The following PTPRR variants were observed in gnomAD, a reference collection of about 807,000 sequenced individuals.
PTPRR encodes the protein receptor-type tyrosine-protein phosphatase R.
Under a neutral mutation model 77.2 loss-of-function variants are expected in PTPRR, and 38 were observed. The observed-to-expected ratio is 0.49, with a 90% CI of 0.38 to 0.65. PTPRR has a LOEUF of 0.65. Among genes scored for constraint, PTPRR ranks in the 30% least tolerant of loss-of-function variants. The pLI is 0.00. For missense variants in PTPRR, 744 were observed against 799.2 expected (o/e 0.93, Z 0.83); for synonymous variants, 299 against 283.1 (o/e 1.06, Z -0.57).
chr12:70,745,572 A>T (rs1890186969), intron 6 of PTPRR, among the ~76,000 whole-genome samples: 1 of 152,138 alleles, frequency 6.6e-6, no homozygotes. Context: ...GTTGAAGATG[A>T]ACTTTGCTTG....
At chr12:70,701,390 C>T (rs1213378868) in intron 6 of PTPRR, 67 bp from the exon 7 acceptor site, 1 of 1,405,692 alleles carries the variant, frequency 7.1e-7, no homozygotes, top group Non-Finnish European at 9.9e-7. Context: ...ACTTGTCTTT[C>T]TGTACATGCA....
chr12:70,903,171 T>C (rs968162837), intron 1 of PTPRR, among the ~76,000 whole-genome samples: 2 of 151,714 alleles, frequency 1.3e-5, no homozygotes, highest in Non-Finnish European at 3.0e-5. Flanking sequence ...GAAAAACAAA[T>C]TTTGAGATCT....
intron 8 of PTPRR, among the ~76,000 whole-genome samples, chr12:70,686,170 T>G (rs989380987): frequency 3.9e-5 from 6 of 152,216 alleles, no homozygotes; most frequent in Admixed American, 2.6e-4. Context: ...TTCCCATATT[T>G]TTTTAGTAAC....
intron 2 of PTPRR, among the ~76,000 whole-genome samples, chr12:70,820,069 CA>C (rs1423438851): frequency 3.3e-5 from 5 of 152,136 alleles, no homozygotes; most frequent in Admixed American, 2.0e-4. Context: ...AGAAATGTAA[CA>C]TTTTTTATGA....
At chr12:70,913,721 G>A (rs1243345411) in intron 1 of PTPRR, among the ~76,000 whole-genome samples, 3 of 152,050 alleles carry the variant, frequency 2.0e-5, no homozygotes, top group Non-Finnish European at 2.9e-5. Context: ...CCATTTCCTT[G>A]TTGTCAATAA....
intron 2 of PTPRR, among the ~76,000 whole-genome samples, chr12:70,880,977 A>G (rs548832693): frequency 2.0e-5 from 3 of 152,198 alleles, no homozygotes; most frequent in Non-Finnish European, 4.4e-5. Flanking sequence ...ATACATGAAA[A>G]AAAATTTTGT....
At chr12:70,879,313 T>C (rs1893108579) in intron 2 of PTPRR, among the ~76,000 whole-genome samples, 2 of 152,134 alleles carry the variant, frequency 1.3e-5, no homozygotes, top group East Asian at 1.9e-4. Context: ...AAGCAAGGTA[T>C]CCTTTTGTAG....
chr12:70,813,388 A>G (rs770266943), intron 2 of PTPRR, among the ~76,000 whole-genome samples: 6 of 147,812 alleles, frequency 4.1e-5, no homozygotes, highest in Non-Finnish European at 7.4e-5. Context: ...CAACGTGGAT[A>G]TTTTACGTTT....
chr12:70,915,352 T>G (rs1052239782), intron 1 of PTPRR, among the ~76,000 whole-genome samples: 8 of 152,130 alleles, frequency 5.3e-5, no homozygotes, highest in African/African-American at 1.7e-4. Flanking sequence ...ATCCCAGAAT[T>G]TTTACAAGGT....
At chr12:70,800,224 C>G (rs967825244) in intron 2 of PTPRR, among the ~76,000 whole-genome samples, 1 of 151,962 alleles carries the variant, frequency 6.6e-6, no homozygotes, top group African/African-American at 2.4e-5. Flanking sequence ...CTGTCTAAAC[C>G]CTTTCCCCCC....
At chr12:70,718,664 C>T (rs1297248833) in intron 6 of PTPRR, among the ~76,000 whole-genome samples, 1 of 152,060 alleles carries the variant, frequency 6.6e-6, no homozygotes, top group African/African-American at 2.4e-5. Context: ...TTACATTAAT[C>T]CTTTGTATTT....
At chr12:70,804,560 A>C (rs1891676455) in intron 2 of PTPRR, among the ~76,000 whole-genome samples, 1 of 152,064 alleles carries the variant, frequency 6.6e-6, no homozygotes, top group Non-Finnish European at 1.5e-5. Context: ...AAAAAAAAAG[A>C]AGACTCCTGA....
intron 4 of PTPRR, among the ~76,000 whole-genome samples, chr12:70,757,056 G>A (rs540075667): frequency 6.6e-6 from 1 of 152,262 alleles, no homozygotes; most frequent in East Asian, 1.9e-4. Flanking sequence ...CTGAATGGTC[G>A]AATACAGGTT....
chr12:70,708,030 C>T (rs1019712171), intron 6 of PTPRR, among the ~76,000 whole-genome samples: 1 of 152,098 alleles, frequency 6.6e-6, no homozygotes, highest in African/African-American at 2.4e-5. Context: ...GTTCTCTATG[C>T]CTCAAATGTG....
At chr12:70,899,634 GA>G (rs1166665755) in intron 1 of PTPRR, among the ~76,000 whole-genome samples, 2 of 151,420 alleles carry the variant, frequency 1.3e-5, no homozygotes, top group Admixed American at 6.6e-5. Context: ...GTGAAAAACT[GA>G]ATCTTCCCCT....
chr12:70,844,899 G>T (rs1411901369), intron 2 of PTPRR, among the ~76,000 whole-genome samples: 1 of 152,034 alleles, frequency 6.6e-6, no homozygotes, highest in South Asian at 2.1e-4. Context: ...ATTAGAATTT[G>T]GTTGAGGGTA....
intron 2 of PTPRR, among the ~76,000 whole-genome samples, chr12:70,848,093 T>G (rs1311742420): frequency 6.6e-6 from 1 of 152,174 alleles, no homozygotes; most frequent in African/African-American, 2.4e-5. Flanking sequence ...TCCACTCATA[T>G]TACATATAAT....
chr12:70,727,738 C>T (rs1889494271), intron 6 of PTPRR, among the ~76,000 whole-genome samples: 1 of 152,180 alleles, frequency 6.6e-6, no homozygotes, highest in African/African-American at 2.4e-5. Flanking sequence ...TAGAAAAATG[C>T]ATCCAAACGG....
At position 70,745,795 on chromosome 12, in the gene PTPRR, G is replaced by A. The variant is rs1890192653; in HGVS notation, c.1007+23C>T. ...CTCTTTTTATAAAAAGCCACACGTAGGGTATACAGAACAAGCTCTTACCTC... is the reference window on the plus strand; with the variant it reads ...CTCTTTTTATAAAAAGCCACACGTAAGGTATACAGAACAAGCTCTTACCTC... On this transcript the variant is annotated intron_variant, in intron 6 of 13. Transcript: ENST00000283228. The A allele has an allele frequency of 9.3e-6, 15 of 1,608,058 alleles. No homozygotes were observed. In the African/African-American group the frequency reaches 1.3e-4, roughly 14 times the overall value.
Sources: gnomAD v4.1 joint callset for allele counts (sites outside exome capture counted in the v4.1 genomes callset) on GRCh38, gnomAD v4.1.1 for gene constraint, MANE v1.5 for transcripts, NCBI Gene and HGNC (gene_info 2026-07-23, HGNC 2026-07-21) for gene names.